Variants in QNG1 observed in about 807,000 individuals in gnomAD.
QNG1 encodes the protein Q-nucleotide N-glycosylase 1, also known as queuosine 5'-phosphate N-glycosylase/hydrolase.
chr9:83,956,635 G>T, the QNG1 span: 1 of 688,450 alleles, frequency 1.5e-6, no homozygotes, highest in South Asian at 2.4e-5. Context: ...GAGTGGCACC[G>T]AGAACTTAGT....
chr9:83,946,023 T>C, the QNG1 span, among the ~76,000 whole-genome samples: 1 of 152,020 alleles, frequency 6.6e-6, no homozygotes, highest in African/African-American at 2.4e-5. Context: ...CAGCCAAGTA[T>C]AGGCCAGGCA....
chr9:83,947,141 AT>A, the QNG1 span, among the ~76,000 whole-genome samples: 4 of 152,182 alleles, frequency 2.6e-5, no homozygotes, highest in East Asian at 1.9e-4. Context: ...AACATAGATA[AT>A]TACAATCAAC....
the QNG1 span, among the ~76,000 whole-genome samples, chr9:83,943,960 G>A: frequency 6.6e-6 from 1 of 152,098 alleles, no homozygotes; most frequent in African/African-American, 2.4e-5. Context: ...GGCGGAGCTT[G>A]CAGTGAGCCA....
At chr9:83,953,771 G>T in the QNG1 span, 1 of 1,544,034 alleles carries the variant, frequency 6.5e-7, no homozygotes, top group Non-Finnish European at 8.8e-7. Context: ...GATTCCAAAA[G>T]AATTTTACAA....
the QNG1 span, among the ~76,000 whole-genome samples, chr9:83,950,816 G>T: frequency 2.6e-5 from 4 of 151,812 alleles, no homozygotes. Flanking sequence ...GCCTAGGCTG[G>T]TCTTGAACTC....
chr9:83,954,811 C>T, the QNG1 span, among the ~76,000 whole-genome samples: 1 of 123,228 alleles, frequency 8.1e-6, no homozygotes, highest in South Asian at 2.8e-4. Flanking sequence ...ACCCGGGAGG[C>T]GGAGTTTGCA....
the QNG1 span, among the ~76,000 whole-genome samples, chr9:83,948,123 CCGCCCCGT>C: frequency 6.0e-5 from 9 of 151,120 alleles, no homozygotes; most frequent in African/African-American, 1.9e-4. Context: ...CTCTGCCCCG[CCGCCCCGT>C]CTGGGATGTG....
At chr9:83,952,207 C>G in the QNG1 span, among the ~76,000 whole-genome samples, 8 of 152,102 alleles carry the variant, frequency 5.3e-5, no homozygotes, top group Non-Finnish European at 4.4e-5. Flanking sequence ...TGGTCTCGAC[C>G]TCCTGGGCTC....
the QNG1 span, among the ~76,000 whole-genome samples, chr9:83,951,324 G>A: frequency 2.0e-5 from 3 of 152,192 alleles, no homozygotes; most frequent in Non-Finnish European, 2.9e-5. Flanking sequence ...ACTTTGGGAG[G>A]CCAAGGCGGG....
At chr9:83,947,772 C>T in the QNG1 span, among the ~76,000 whole-genome samples, 41 of 152,326 alleles carry the variant, frequency 2.7e-4, no homozygotes, top group East Asian at 7.9e-3. Context: ...GCCTGGGCCT[C>T]CCGAGGTGCC....
chr9:83,955,470 AG>A, the QNG1 span: 1 of 1,614,182 alleles, frequency 6.2e-7, no homozygotes, highest in South Asian at 1.1e-5. Flanking sequence ...TCTCGGACGC[AG>A]TTGAGAAAAG....
At chr9:83,952,978 T>G in the QNG1 span, among the ~76,000 whole-genome samples, 7 of 145,822 alleles carry the variant, frequency 4.8e-5, no homozygotes, top group Non-Finnish European at 1.1e-4. Context: ...AAAAAAAAAG[T>G]ATCAGATTGG....
chr9:83,948,330 TG>T, the QNG1 span, among the ~76,000 whole-genome samples: 1 of 100,140 alleles, frequency 1.0e-5, no homozygotes, highest in Admixed American at 1.0e-4. Context: ...CCGCCCCGTC[TG>T]GGAAGTGAGG....
At chr9:83,955,619 G>A in the QNG1 span, 16 of 1,613,150 alleles carry the variant, frequency 9.9e-6, no homozygotes, top group Middle Eastern at 1.6e-4. Context: ...CGCGTAGTAC[G>A]AGGCACTAGT....
At chr9:83,948,481 G>C in the QNG1 span, among the ~76,000 whole-genome samples, 1 of 146,756 alleles carries the variant, frequency 6.8e-6, no homozygotes, top group South Asian at 2.2e-4. Context: ...GAGGTGGGGG[G>C]CGCCTCCGCC....
the QNG1 span, chr9:83,953,508 C>T: frequency 6.7e-5 from 17 of 254,970 alleles, no homozygotes; most frequent in African/African-American, 2.3e-4. Context: ...CCACCACACC[C>T]GGCTAATTTT....
chr9:83,947,443 T>C, the QNG1 span, among the ~76,000 whole-genome samples: 1 of 152,132 alleles, frequency 6.6e-6, no homozygotes, highest in African/African-American at 2.4e-5. Flanking sequence ...TTGTAACAGA[T>C]CCAGACCTAT....
the QNG1 span, among the ~76,000 whole-genome samples, chr9:83,953,440 T>G: frequency 6.9e-6 from 1 of 145,828 alleles, no homozygotes; most frequent in African/African-American, 2.5e-5. Flanking sequence ...CTTCAGCTCC[T>G]GGGTTCAAGT....
chr9:83,954,622 C>T, the QNG1 span, among the ~76,000 whole-genome samples: 1 of 151,570 alleles, frequency 6.6e-6, no homozygotes, highest in African/African-American at 2.4e-5. Flanking sequence ...TGGCTCACGC[C>T]TGTAATCCCA....
Sources: allele counts gnomAD v4.1 joint callset (sites outside exome capture counted in the v4.1 genomes callset), GRCh38; gene constraint gnomAD v4.1.1; transcripts MANE v1.5; gene names NCBI Gene and HGNC (gene_info 2026-07-23, HGNC 2026-07-21).